SWAP70: variants seen among roughly 807,000 people sequenced by gnomAD.
The protein encoded by SWAP70 is switch-associated protein 70.
A neutral mutation model predicts 80.2 loss-of-function variants in SWAP70; 34 were observed. That is an observed-to-expected ratio of 0.42 (90% CI 0.32 to 0.56). SWAP70 has a LOEUF of 0.56. Ranked by LOEUF, SWAP70 falls within the 20% of genes least tolerant of loss-of-function variation. The pLI is 0.09. For synonymous variants in SWAP70, 239 were observed against 238.5 expected, an observed-to-expected ratio of 1.00 and a Z score of -0.02; for missense variants, 578 against 690.7, an observed-to-expected ratio of 0.84 and a Z score of 1.83.
intron 2 of SWAP70, among the ~76,000 whole-genome samples, chr11:9,712,058 G>T (rs1851005471): frequency 6.6e-6 from 1 of 152,086 alleles, no homozygotes; most frequent in Admixed American, 6.6e-5. Flanking sequence ...TGAGAACTCA[G>T]CTCTGTTGTC....
chr11:9,744,892 AC>A (rs1851492110), intron 9 of SWAP70, among the ~76,000 whole-genome samples: 1 of 152,204 alleles, frequency 6.6e-6, no homozygotes, highest in Non-Finnish European at 1.5e-5. Context: ...AAAGAAAAAA[AC>A]AAAAAAGAAA....
intron 2 of SWAP70, among the ~76,000 whole-genome samples, chr11:9,696,772 A>T (rs897568764): frequency 6.6e-6 from 1 of 152,186 alleles, no homozygotes; most frequent in African/African-American, 2.4e-5. Flanking sequence ...CCTATTTATA[A>T]CACCGAGCAT....
chr11:9,688,228 G>A (rs181238303), intron 1 of SWAP70, among the ~76,000 whole-genome samples: 34 of 152,354 alleles, frequency 2.2e-4, no homozygotes, highest in Admixed American at 2.0e-3. Flanking sequence ...ATTCTGGGCA[G>A]CATGCCAGGT....
intron 2 of SWAP70, among the ~76,000 whole-genome samples, chr11:9,709,400 A>G (rs1220140893): frequency 1.3e-5 from 2 of 152,254 alleles, no homozygotes; most frequent in African/African-American, 4.8e-5. Context: ...AAGCATTGGA[A>G]TTATAGGCCT....
intron 7 of SWAP70, among the ~76,000 whole-genome samples, chr11:9,735,272 T>C (rs1031304892): frequency 6.6e-6 from 1 of 152,238 alleles, no homozygotes; most frequent in Non-Finnish European, 1.5e-5. Context: ...AGTGTCACTG[T>C]TCTGCCTCCA....
At chr11:9,690,663 G>T (rs987794178) in intron 1 of SWAP70, among the ~76,000 whole-genome samples, 4 of 152,064 alleles carry the variant, frequency 2.6e-5, no homozygotes, top group Admixed American at 2.6e-4. Flanking sequence ...GAGGTGGGAG[G>T]ATCACTTGAG....
At chr11:9,744,800 C>T (rs750359300) in intron 9 of SWAP70, among the ~76,000 whole-genome samples, 4 of 151,872 alleles carry the variant, frequency 2.6e-5, no homozygotes, top group Non-Finnish European at 4.4e-5. Flanking sequence ...CCCAGCTACT[C>T]GGGAGGCTGA....
intron 2 of SWAP70, among the ~76,000 whole-genome samples, chr11:9,709,532 T>C (rs987871574): frequency 1.3e-5 from 2 of 151,484 alleles, no homozygotes; most frequent in Non-Finnish European, 3.0e-5. Context: ...AAGTATAACT[T>C]TTTTTTTTGA....
At position 9,680,099 on chromosome 11, in the gene SWAP70, G is replaced by T. The variant is rs536560436; in HGVS notation, c.100-14047G>T. ...TATAAAACATTATATGAATTTGAAG[G>T]TTTCAGGCTACTGAACACTTTTTGT... On this transcript the variant is annotated intron_variant, in intron 1 of 11. Coordinates refer to ENST00000318950, the MANE Select transcript of SWAP70 (RefSeq NM_015055.4). Among the ~76,000 whole-genome samples the T allele has an allele frequency of 3.3e-3, 505 of 152,286 alleles. 3 individuals carry two copies. The highest frequency in any genetic ancestry group is 5.9e-3 in the Admixed American group (90 of 15,290).
chr11:9,671,104 TAAATATAA>T (rs1565108952), intron 1 of SWAP70, among the ~76,000 whole-genome samples: 3 of 136,780 alleles, frequency 2.2e-5, no homozygotes, highest in Admixed American at 7.9e-5. Context: ...TATAAATATA[TAAATATAA>T]AAATATATAT....
At chr11:9,743,362 T>G (rs902461231) in intron 9 of SWAP70, among the ~76,000 whole-genome samples, 8 of 152,104 alleles carry the variant, frequency 5.3e-5, no homozygotes, top group South Asian at 2.1e-4. Flanking sequence ...ATAAACATAC[T>G]TGTGCATGTG....
Position 9,675,336 on chromosome 11 carries a change from A to C in SWAP70, c.99+11058A>C, listed in dbSNP as rs964059537. On this transcript the variant is annotated intron_variant, in intron 1 of 11. Coordinates refer to ENST00000318950, the MANE Select transcript of SWAP70 (RefSeq NM_015055.4). ...GAGAGGGAGCGAGAGAGAGAGAGAGAGAGAGGGAGCGAGAGAGAGAGAGAG... is the reference window on the plus strand; with the variant it reads ...GAGAGGGAGCGAGAGAGAGAGAGAGCGAGAGGGAGCGAGAGAGAGAGAGAG... Among the ~76,000 whole-genome samples, 39 of 49,072 alleles carry C rather than the reference A, an allele frequency of 7.9e-4. 3 individuals carry two copies. Among genetic ancestry groups the C allele is most frequent in the Middle Eastern group, 8.3e-3 (1 of 120 alleles). 32.2% of individuals were successfully genotyped at this position (49,072 alleles called of 152,430 possible). A position where few individuals can be genotyped will look rare whatever the true frequency, so the allele number is the denominator to read the frequency against.
rs771578197 is a variant in SWAP70, at chr11:9,740,174, C to T, written c.1189-7C>T. The T allele has an allele frequency of 1.9e-6, 3 of 1,612,640 alleles. No individual in the cohort carries two copies. Among genetic ancestry groups the T allele is most frequent in the Non-Finnish European group, 2.5e-6 (3 of 1,179,254 alleles). ...TGCATTTAAACAAGACCCTTTTATACCAACAGATCAGACAGCAGATGGAAG... is the reference window on the plus strand; with the variant it reads ...TGCATTTAAACAAGACCCTTTTATATCAACAGATCAGACAGCAGATGGAAG... On this transcript the variant is annotated splice_polypyrimidine_tract_variant and splice_region_variant and intron_variant, in intron 8 of 11. Coordinates refer to ENST00000318950, the MANE Select transcript of SWAP70 (RefSeq NM_015055.4).
rs777556056 is a variant in SWAP70 at position 9,738,254 on chromosome 11, G to T, written c.1122G>T (p.Lys374Asn). The T allele has an allele frequency of 2.5e-5, 41 of 1,611,522 alleles. 1 individual carries two copies. The highest frequency in any genetic ancestry group is 3.1e-5 in the Non-Finnish European group (37 of 1,178,902). ...EAASRAAEEE[K>N]KRLQTQVELQ... ...CATCTCGTGCAGCAGAAGAGGAAAA[G>T]AAACGCCTTCAGACTCAAGTGGAAC... Residue 374 changes from lysine to asparagine, a missense_variant, in exon 8 of 12, where the codon AAG (lysine) becomes AAT (asparagine). Lys to Asn is a moderately conservative substitution (Grantham distance 94). Coordinates refer to ENST00000318950, the MANE Select transcript of SWAP70 (RefSeq NM_015055.4).
intron 1 of SWAP70, among the ~76,000 whole-genome samples, chr11:9,687,009 A>C (rs1850641599): frequency 1.3e-5 from 2 of 152,350 alleles, no homozygotes; most frequent in Admixed American, 6.5e-5. Context: ...TTAGGCAAAA[A>C]GTAGTAGCTC....
chr11:9,748,736 T>G (rs1851544763), intron 10 of SWAP70, among the ~76,000 whole-genome samples: 1 of 152,200 alleles, frequency 6.6e-6, no homozygotes. Flanking sequence ...AGCAGGACAG[T>G]TCAGGGTGGA....
At chr11:9,749,438 G>C (rs1051099027) in intron 11 of SWAP70, among the ~76,000 whole-genome samples, 7 of 152,030 alleles carry the variant, frequency 4.6e-5, no homozygotes, top group African/African-American at 1.7e-4. Context: ...AGTAGAGACG[G>C]GGTTTCACCG....
At chr11:9,671,993 T>C (rs1175967480) in intron 1 of SWAP70, among the ~76,000 whole-genome samples, 1 of 116,996 alleles carries the variant, frequency 8.5e-6, no homozygotes, top group East Asian at 2.4e-4. Context: ...CTATATTTTA[T>C]ATAATATATA....
chr11:9,699,783 G>C (rs1850808126), intron 2 of SWAP70, among the ~76,000 whole-genome samples: 2 of 151,792 alleles, frequency 1.3e-5, no homozygotes, highest in African/African-American at 4.8e-5. Flanking sequence ...TTGAGCCTAG[G>C]AGTTTGAGGT....
Sources: allele counts gnomAD v4.1 joint callset (sites outside exome capture counted in the v4.1 genomes callset), GRCh38; gene constraint gnomAD v4.1.1; transcripts MANE v1.5; gene names NCBI Gene and HGNC (gene_info 2026-07-23, HGNC 2026-07-21).